The following PCGF6 variants were observed in gnomAD, a reference collection of about 807,000 sequenced individuals.
The protein encoded by PCGF6 is polycomb group ring finger 6.
In PCGF6, 24 loss-of-function variants were observed where a neutral mutation model predicts 45.5. The ratio of observed to expected loss-of-function variants is 0.53; its 90% CI spans 0.38 to 0.74. The LOEUF (loss-of-function observed/expected upper bound fraction) is 0.74, where lower values mean the gene tolerates loss of function less well. Among genes scored for constraint, PCGF6 ranks in the 30% least tolerant of loss-of-function variants. PCGF6 has a pLI of 0.00. For synonymous variants in PCGF6, 152 were observed against 162.1 expected (o/e 0.94, Z 0.47); for missense variants, 356 against 443.2 (o/e 0.80, Z 1.77).
At chr10:103,324,096 T>C (rs912474267) in intron 8 of PCGF6, among the ~76,000 whole-genome samples, 2 of 148,518 alleles carry the variant, frequency 1.3e-5, no homozygotes, top group East Asian at 3.9e-4. Context: ...TGTGCCACCA[T>C]GCCAAGCTAT....
intron 3 of PCGF6, among the ~76,000 whole-genome samples, chr10:103,347,804 C>T (rs553863706): frequency 2.0e-5 from 3 of 152,240 alleles, no homozygotes; most frequent in African/African-American, 7.2e-5. Flanking sequence ...ATTTTTCCCA[C>T]CTCAGCCTCC....
intron 7 of PCGF6, 129 bp downstream of exon 7, chr10:103,333,796 A>G (rs1053731425): frequency 8.0e-6 from 5 of 628,034 alleles, no homozygotes; most frequent in Non-Finnish European, 1.3e-5. Flanking sequence ...TCATAAATCT[A>G]TAATATTATT....
intron 8 of PCGF6, among the ~76,000 whole-genome samples, chr10:103,322,517 G>A (rs930334518): frequency 1.7e-4 from 25 of 150,168 alleles, no homozygotes; most frequent in Non-Finnish European, 3.1e-4. Flanking sequence ...AAAATATTTT[G>A]TTTCTGTCAA....
chr10:103,328,130 C>T (rs1309112072), intron 7 of PCGF6, among the ~76,000 whole-genome samples: 1 of 152,158 alleles, frequency 6.6e-6, no homozygotes, highest in Non-Finnish European at 1.5e-5. Context: ...TCTGAGACAA[C>T]TAACGATGCT....
intron 1 of PCGF6, among the ~76,000 whole-genome samples, chr10:103,350,048 A>ACT (rs2093315504): frequency 6.6e-6 from 1 of 151,768 alleles, no homozygotes; most frequent in Non-Finnish European, 1.5e-5. Flanking sequence ...GCGCCACTGC[A>ACT]CTCCAGCCTG....
chr10:103,317,552 A>G (rs1285864497), intron 8 of PCGF6, among the ~76,000 whole-genome samples: 3 of 152,090 alleles, frequency 2.0e-5, no homozygotes, highest in African/African-American at 7.2e-5. Flanking sequence ...TGGGAAGCTG[A>G]GGCAGGAGGA....
At chr10:103,317,594 G>A (rs995528020) in intron 8 of PCGF6, among the ~76,000 whole-genome samples, 6 of 151,598 alleles carry the variant, frequency 4.0e-5, no homozygotes, top group Non-Finnish European at 8.8e-5. Flanking sequence ...AGATATGATC[G>A]TACCGCTCCA....
rs1342543035 is a variant in PCGF6 at position 103,306,185 on chromosome 10, C to T, written c.997-2224G>A. 2.6e-5 allele frequency among the ~76,000 whole-genome samples: 4 copies of T among 151,724 alleles called. No homozygotes were observed. The East Asian group carries it at 7.7e-4, about 29-fold the overall frequency. ...CCATCTCGGCTCACTGCAATCTCCGCCTCCCGGGTTCAAGCGATTCTCCTG... is the reference window on the plus strand; with the variant it reads ...CCATCTCGGCTCACTGCAATCTCCGTCTCCCGGGTTCAAGCGATTCTCCTG... On this transcript the variant is annotated intron_variant, in intron 9 of 9. Coordinates refer to ENST00000369847, the MANE Select transcript of PCGF6 (RefSeq NM_001011663.2).
In PCGF6 at chr10:103,324,269, T is replaced by C. The variant is rs563199887; in HGVS notation, c.909+2265A>G. Among the ~76,000 whole-genome samples the C allele has an allele frequency of 2.2e-4, 33 of 151,778 alleles. No individual in the cohort carries two copies. The South Asian group carries it at 6.4e-3, about 30-fold the overall frequency. ...ACACAGTATTTTAGATAAAAAATTA[T>C]TCTATAAAACTTAACACATGATGGA... On this transcript the variant is annotated intron_variant, in intron 8 of 9. Transcript: ENST00000369847.
intron 8 of PCGF6, among the ~76,000 whole-genome samples, chr10:103,324,907 G>A (rs938246285): frequency 6.6e-6 from 1 of 151,734 alleles, no homozygotes; most frequent in Non-Finnish European, 1.5e-5. Context: ...GGCCGAGGTA[G>A]GCGGATCACC....
intron 9 of PCGF6, among the ~76,000 whole-genome samples, chr10:103,310,042 C>T (rs1320638443): frequency 2.0e-5 from 3 of 151,508 alleles, no homozygotes; most frequent in Non-Finnish European, 1.5e-5. Context: ...ACCTCTGCCT[C>T]CCAGGTTCAG....
Position 103,347,398 on chromosome 10 carries a change from C to T in PCGF6, c.610G>A (p.Glu204Lys), listed in dbSNP as rs1361929706. The change falls in exon 4 of 10, where the codon GAA becomes AAA. Residue 204 changes from glutamate to lysine, a missense_variant. Transcript: ENST00000369847. ...IVYKLVINLEEREKKQMHDFY... is the reference protein window; with the variant it reads ...IVYKLVINLEKREKKQMHDFY... ...CCATGTAATAAAAGAAACTTACTTT[C>T]CTCTAGATTGATCACTAATTTGTAC... 18 of 1,604,672 alleles carry T rather than the reference C, an allele frequency of 1.1e-5. No homozygotes were observed. Among genetic ancestry groups the T allele is most frequent in the Non-Finnish European group, 1.5e-5 (17 of 1,172,096 alleles).
chr10:103,344,934 GA>G, intron 6 of PCGF6, 89 bp downstream of exon 6: 1 of 881,364 alleles, frequency 1.1e-6, no homozygotes, highest in Admixed American at 2.6e-5. Flanking sequence ...GGGGATGTCA[GA>G]AAACTTGATT....
chr10:103,330,789 C>T (rs567976417), intron 7 of PCGF6, among the ~76,000 whole-genome samples: 8 of 152,240 alleles, frequency 5.3e-5, no homozygotes, highest in South Asian at 2.1e-4. Context: ...ATTAGCTGGG[C>T]GTGGTGGGGC....
intron 6 of PCGF6, among the ~76,000 whole-genome samples, chr10:103,337,927 A>G (rs562992375): frequency 9.2e-6 from 1 of 109,146 alleles, no homozygotes. Context: ...AGCCGGGCGT[A>G]GTGGTGGGCG....
intron 8 of PCGF6, among the ~76,000 whole-genome samples, chr10:103,316,512 A>G (rs138892856): frequency 1.3e-5 from 2 of 152,328 alleles, no homozygotes; most frequent in African/African-American, 4.8e-5. Flanking sequence ...ACTAAGAAGT[A>G]AAGACATTAA....
At chr10:103,336,385 CAAAT>C (rs1173939256) in intron 6 of PCGF6, among the ~76,000 whole-genome samples, 4 of 151,264 alleles carry the variant, frequency 2.6e-5, no homozygotes, top group Non-Finnish European at 5.9e-5. Flanking sequence ...CGTAAATGTA[CAAAT>C]AAATATAAAA....
chr10:103,345,377 A>T (rs566727516), intron 5 of PCGF6, among the ~76,000 whole-genome samples: 1 of 152,344 alleles, frequency 6.6e-6, no homozygotes, highest in African/African-American at 2.4e-5. Flanking sequence ...GAGAGAGCTC[A>T]TTAGAACAGC....
chr10:103,329,744 A>T (rs1486914715), intron 7 of PCGF6, among the ~76,000 whole-genome samples: 4 of 152,004 alleles, frequency 2.6e-5, no homozygotes, highest in African/African-American at 9.7e-5. Flanking sequence ...AAGTGCTGGG[A>T]TTATAGGTGT....
Sources: allele counts gnomAD v4.1 joint callset (sites outside exome capture counted in the v4.1 genomes callset), GRCh38; gene constraint gnomAD v4.1.1; transcripts MANE v1.5; gene names NCBI Gene and HGNC (gene_info 2026-07-23, HGNC 2026-07-21).